Variants in WDPCP observed in about 807,000 individuals in gnomAD.
WDPCP encodes WD repeat containing planar cell polarity effector, also known as WD repeat-containing and planar cell polarity effector protein fritz homolog.
In WDPCP, 71 loss-of-function variants were observed where a neutral mutation model predicts 93.1. The ratio of observed to expected loss-of-function variants is 0.76; its 90% confidence interval spans 0.63 to 0.93. The LOEUF is 0.93. WDPCP is among the 40% of genes least tolerant of loss of function. WDPCP has a pLI of 0.00. For missense variants in WDPCP, 844 were observed against 887.4 expected (o/e 0.95, Z 0.62); for synonymous variants, 315 against 315.0 (o/e 1.00, Z 0.00).
chr2:63,352,318 G>A (rs565028888), intron 12 of WDPCP, among the ~76,000 whole-genome samples: 1 of 152,086 alleles, frequency 6.6e-6, no homozygotes, highest in East Asian at 1.9e-4. Context: ...AGTTGAAAAT[G>A]TTTTTAAAAA....
At chr2:63,721,051 G>C (rs1056396433) in intron 2 of WDPCP, among the ~76,000 whole-genome samples, 1 of 152,180 alleles carries the variant, frequency 6.6e-6, no homozygotes, top group Non-Finnish European at 1.5e-5. Flanking sequence ...AGAAAACCCT[G>C]AAGCAAACAA....
At chr2:63,282,640 TTGA>T (rs1683657742) in intron 13 of WDPCP, among the ~76,000 whole-genome samples, 3 of 152,214 alleles carry the variant, frequency 2.0e-5, no homozygotes, top group Admixed American at 2.0e-4. Context: ...TGTAATTTTT[TTGA>T]TGATGTTACT....
chr2:63,438,113 C>T, intron 7 of WDPCP: 1 of 875,902 alleles, frequency 1.1e-6, no homozygotes. Context: ...AAAATTAGCA[C>T]AATATTTCTA....
intron 2 of WDPCP, among the ~76,000 whole-genome samples, chr2:63,718,560 A>G (rs1669369641): frequency 6.6e-6 from 1 of 152,104 alleles, no homozygotes; most frequent in Non-Finnish European, 1.5e-5. Context: ...TCTTTTGAGA[A>G]ATGTCTCTTC....
chr2:63,411,379 G>A (rs1695010853), intron 9 of WDPCP, among the ~76,000 whole-genome samples: 1 of 152,088 alleles, frequency 6.6e-6, no homozygotes, highest in Admixed American at 6.5e-5. Flanking sequence ...ATACAGCAAA[G>A]GTGGTGCTAA....
intron 14 of WDPCP, among the ~76,000 whole-genome samples, chr2:63,194,472 A>G (rs1675273250): frequency 6.6e-6 from 1 of 152,136 alleles, no homozygotes. Context: ...ATACCCACAT[A>G]TATATTGTTG....
At chr2:63,446,686 C>A (rs1697888254) in intron 6 of WDPCP, among the ~76,000 whole-genome samples, 1 of 152,172 alleles carries the variant, frequency 6.6e-6, no homozygotes, top group African/African-American at 2.4e-5. Flanking sequence ...AGGAAACCCA[C>A]CCTGTGTGTC....
At chr2:63,682,847 G>C (rs1668739161) in intron 2 of WDPCP, among the ~76,000 whole-genome samples, 1 of 151,906 alleles carries the variant, frequency 6.6e-6, no homozygotes, top group South Asian at 2.1e-4. Flanking sequence ...TGAGTAGAAA[G>C]ACTAAAAGAT....
At chr2:63,537,343 T>C (rs1704367032) in intron 1 of WDPCP, among the ~76,000 whole-genome samples, 2 of 152,232 alleles carry the variant, frequency 1.3e-5, no homozygotes, top group South Asian at 4.1e-4. Context: ...AGAAAGTTTG[T>C]ATCCCTGCCT....
intron 13 of WDPCP, among the ~76,000 whole-genome samples, chr2:63,263,408 T>A (rs988252256): frequency 6.6e-6 from 1 of 152,144 alleles, no homozygotes; most frequent in Non-Finnish European, 1.5e-5. Context: ...AGGAGTGGGT[T>A]AGTTATCAAA....
chr2:63,550,222 CA>C (rs1407704604), intron 1 of WDPCP, among the ~76,000 whole-genome samples: 10 of 151,244 alleles, frequency 6.6e-5, no homozygotes, highest in East Asian at 1.9e-4. Context: ...CACACACACA[CA>C]CACACACACA....
intron 3 of WDPCP, chr2:63,599,274 C>T (rs1709377262): frequency 6.2e-7 from 1 of 1,613,284 alleles, no homozygotes; most frequent in African/African-American, 1.3e-5. Flanking sequence ...GTTTGGATCA[C>T]AACCGAGCTA....
At chr2:63,338,591 T>A (rs1363306835) in intron 12 of WDPCP, among the ~76,000 whole-genome samples, 5 of 128,702 alleles carry the variant, frequency 3.9e-5, no homozygotes, top group African/African-American at 1.5e-4. Flanking sequence ...TATATATATA[T>A]ATATATATAT....
At chr2:63,300,874 C>T (rs918357974) in intron 13 of WDPCP, among the ~76,000 whole-genome samples, 2 of 152,010 alleles carry the variant, frequency 1.3e-5, no homozygotes, top group Non-Finnish European at 2.9e-5. Context: ...CCAGGTCTCT[C>T]TGTCCTTGGT....
At chr2:63,671,116 G>A (rs1710341243) in intron 2 of WDPCP, among the ~76,000 whole-genome samples, 1 of 152,138 alleles carries the variant, frequency 6.6e-6, no homozygotes, top group Admixed American at 6.5e-5. Flanking sequence ...CAGGAGGGTA[G>A]CTGGGATCCT....
chr2:63,567,967 C>T (rs1184096860), intron 1 of WDPCP, among the ~76,000 whole-genome samples: 1 of 152,162 alleles, frequency 6.6e-6, no homozygotes, highest in Non-Finnish European at 1.5e-5. Context: ...TTGAGGAGTA[C>T]TGAATTTAAG....
chr2:63,577,423 G>C (rs1020748943), intron 1 of WDPCP, among the ~76,000 whole-genome samples: 1 of 152,126 alleles, frequency 6.6e-6, no homozygotes, highest in Non-Finnish European at 1.5e-5. Flanking sequence ...AAATGAAGCA[G>C]CTTTATGTTC....
chr2:63,437,618 A>G (rs1697224054), intron 7 of WDPCP, 64 bp from the exon 8 acceptor site: 3 of 1,428,014 alleles, frequency 2.1e-6, no homozygotes, highest in Non-Finnish European at 2.9e-6. Context: ...TTCCACTGAT[A>G]TGTTACAAAA....
At chr2:63,229,092 A>G (rs1446658655) in intron 14 of WDPCP, 1 of 152,006 alleles carries the variant, frequency 6.6e-6, no homozygotes, top group Admixed American at 6.6e-5. Context: ...TCTCCAGCAC[A>G]TGTTGTTTGC....
Sources: gnomAD v4.1 joint callset for allele counts (sites outside exome capture counted in the v4.1 genomes callset) on GRCh38, gnomAD v4.1.1 for gene constraint, MANE v1.5 for transcripts, NCBI Gene and HGNC (gene_info 2026-07-23, HGNC 2026-07-21) for gene names.